MOB3B: variants seen among roughly 807,000 people sequenced by gnomAD.
The protein encoded by MOB3B is MOB kinase activator 3B, also known as MOB kinase activator-like 2B.
A neutral mutation model predicts 18.7 loss-of-function variants in MOB3B; 7 were observed. The ratio of observed to expected loss-of-function variants is 0.37; its 90% confidence interval spans 0.21 to 0.70. The LOEUF (loss-of-function observed/expected upper bound fraction) is 0.70, where lower values mean the gene tolerates loss of function less well. Among genes scored for constraint, MOB3B ranks in the 30% least tolerant of loss-of-function variants. The pLI, the probability that MOB3B is intolerant of heterozygous loss-of-function variation, is 0.52. For missense variants in MOB3B, 253 were observed against 281.3 expected, an observed-to-expected ratio of 0.90 and a Z score of 0.72; for synonymous variants, 111 against 99.9, an observed-to-expected ratio of 1.11 and a Z score of -0.66.
intron 2 of MOB3B, among the ~76,000 whole-genome samples, chr9:27,449,573 T>C (rs1246997580): frequency 1.3e-5 from 2 of 152,222 alleles, no homozygotes; most frequent in Admixed American, 6.5e-5. Context: ...ACAAGTCCAG[T>C]ACTAATTCCA....
At position 27,457,246 on chromosome 9, in the gene MOB3B, G is replaced by A. The variant is rs530674193; in HGVS notation, c.-198-1498C>T. ...ATCCACATATTCCCCAAAGACTGCT[G>A]TATAGATTGGTCGGAGGTGAAGGCT... On this transcript the variant is annotated intron_variant, in intron 1 of 3. Transcript: ENST00000262244. Among the ~76,000 whole-genome samples, 147 of 152,314 alleles carry A rather than the reference G, an allele frequency of 9.7e-4. 2 individuals carry two copies. Among genetic ancestry groups the A allele is most frequent in the African/African-American group, 3.4e-3 (143 of 41,566 alleles).
chr9:27,450,732 G>A (rs4878462), intron 2 of MOB3B, among the ~76,000 whole-genome samples: 48,176 of 151,938 alleles, frequency 0.32, 8,261 homozygotes, highest in African/African-American at 0.4. Context: ...CATGAGCTCA[G>A]ACCCTGACTC....
chr9:27,437,218 C>T (rs1271415478), intron 2 of MOB3B, among the ~76,000 whole-genome samples: 1 of 152,128 alleles, frequency 6.6e-6, no homozygotes, highest in African/African-American at 2.4e-5. Flanking sequence ...TTAATATGAT[C>T]TATGTTTTTT....
At chr9:27,467,918 T>C (rs1222796917) in intron 1 of MOB3B, among the ~76,000 whole-genome samples, 1 of 152,250 alleles carries the variant, frequency 6.6e-6, no homozygotes, top group Admixed American at 6.5e-5. Context: ...TGTTGTATTG[T>C]TACTATCAAC....
chr9:27,455,836 C>T, intron 1 of MOB3B, 88 bp from the exon 2 acceptor site: 1 of 1,290,138 alleles, frequency 7.8e-7, no homozygotes, highest in East Asian at 3.6e-5. Flanking sequence ...ACCTTGTGTT[C>T]TTGGCTGTGC....
chr9:27,391,607 C>CA (rs2078351755), intron 2 of MOB3B: 1 of 152,124 alleles, frequency 6.6e-6, no homozygotes, highest in East Asian at 1.9e-4. Flanking sequence ...GAGTGTGATC[C>CA]AAAAAATTAC....
At chr9:27,435,047 T>TTCTCTC (rs60408942) in intron 2 of MOB3B, among the ~76,000 whole-genome samples, 79 of 145,978 alleles carry the variant, frequency 5.4e-4, no homozygotes, top group Middle Eastern at 3.5e-3. Context: ...TGTAAGGTGT[T>TTCTCTC]TCTCTCTCTC....
chr9:27,327,589 C>T lies in MOB3B; in HGVS notation c.*2998G>A, dbSNP rs947261202. 1.8e-4 allele frequency: 27 copies of T among 152,056 alleles called. No homozygotes were observed. The highest frequency in any genetic ancestry group is 6.5e-4 in the African/African-American group (27 of 41,476). 9.4% of individuals were successfully genotyped at this position (152,056 alleles called of 1,614,324 possible). On this transcript the variant is annotated 3_prime_UTR_variant, in exon 4 of 4. Transcript: ENST00000262244. ...ACTGCACATCATACACAAACACCACCCCACCACCCACCACTCAGACACACA... is the reference window on the plus strand; with the variant it reads ...ACTGCACATCATACACAAACACCACTCCACCACCCACCACTCAGACACACA...
rs1822851454 is a variant in MOB3B, at chr9:27,455,195, T to C, written c.356A>G (p.Asn119Ser). ...AACCTCAATCCAATCCATAAGAAGG[T>C]TCATGTACTGGGGAGCTGGCAGCGC... Reference protein sequence around the residue: ...PTALPAPQYMNLLMDWIEVQI... With the variant: ...PTALPAPQYMSLLMDWIEVQI... Residue 119 changes from asparagine (N) to serine (S), a missense_variant, in exon 2 of 4, where the codon AAC (asparagine) becomes AGC (serine). Asn to Ser is a conservative substitution (Grantham distance 46). Transcript: ENST00000262244. 6.2e-7 allele frequency: 1 copy of C among 1,614,124 alleles called. No homozygotes were observed. Among genetic ancestry groups the C allele is most frequent in the Non-Finnish European group, 8.5e-7 (1 of 1,180,004 alleles).
rs181368909 is a variant in MOB3B, at chr9:27,326,545, A to G, written c.*4042T>C. The G allele has an allele frequency of 3.7e-4, 146 of 398,586 alleles. No individual in the cohort carries two copies. Among genetic ancestry groups the G allele is most frequent in the African/African-American group, 2.9e-3 (139 of 48,758 alleles). 24.7% of individuals were successfully genotyped at this position (398,586 alleles called of 1,614,324 possible). A position where few individuals can be genotyped will look rare whatever the true frequency, so the allele number is the denominator to read the frequency against. Reference sequence around the variant, plus strand: ...TGGGTTGGTTATACCAAAGAATGCTATAGAATTTCCATGCCCGAAGAACTG... The same window carrying G: ...TGGGTTGGTTATACCAAAGAATGCTGTAGAATTTCCATGCCCGAAGAACTG... On this transcript the variant is annotated 3_prime_UTR_variant, in exon 4 of 4. Coordinates refer to ENST00000262244, the MANE Select transcript of MOB3B (RefSeq NM_024761.5).
At chr9:27,518,944 A>G (rs1289819099) in intron 1 of MOB3B, among the ~76,000 whole-genome samples, 1 of 152,218 alleles carries the variant, frequency 6.6e-6, no homozygotes, top group African/African-American at 2.4e-5. Context: ...GGAGGGGAAG[A>G]CATATGAATC....
chr9:27,411,589 C>T (rs776211934), intron 2 of MOB3B, among the ~76,000 whole-genome samples: 15 of 152,152 alleles, frequency 9.9e-5, no homozygotes, highest in Admixed American at 3.3e-4. Context: ...GGCACTACCA[C>T]GTCTTCTAAA....
intron 2 of MOB3B, among the ~76,000 whole-genome samples, chr9:27,413,363 A>G (rs1822101873): frequency 6.6e-6 from 1 of 152,020 alleles, no homozygotes. Flanking sequence ...GACATAGACT[A>G]TTAACTGAGA....
chr9:27,491,087 ATCC>A (rs1819810206), intron 1 of MOB3B, among the ~76,000 whole-genome samples: 1 of 152,192 alleles, frequency 6.6e-6, no homozygotes. Context: ...CTTTAAAAAA[ATCC>A]TCCTTTGTAT....
intron 2 of MOB3B, among the ~76,000 whole-genome samples, chr9:27,435,842 C>T (rs1822492303): frequency 6.6e-6 from 1 of 152,154 alleles, no homozygotes. Context: ...CTCAAGTGAT[C>T]CACCTGACTT....
At position 27,435,223 on chromosome 9, in the gene MOB3B, T is replaced by A. The variant is rs149395758; in HGVS notation, c.418+19910A>T. 3.6e-3 allele frequency among the ~76,000 whole-genome samples: 545 copies of A among 152,304 alleles called. 2 individuals carry two copies. The highest frequency in any genetic ancestry group is 0.012 in the African/African-American group (514 of 41,570). On this transcript the variant is annotated intron_variant, in intron 2 of 3. Coordinates refer to ENST00000262244, the MANE Select transcript of MOB3B (RefSeq NM_024761.5). The stretch of plus-strand genomic sequence containing the variant: ...CCAGAGTTTCCCCACACTCCTTTTT[T>A]AATTTGTTTCAGCAAACTATGGCAC...
chr9:27,509,189 C>T (rs1375774238), intron 1 of MOB3B, among the ~76,000 whole-genome samples: 2 of 152,072 alleles, frequency 1.3e-5, no homozygotes, highest in Non-Finnish European at 2.9e-5. Context: ...CATAAAAATA[C>T]ATAAATATAC....
At chr9:27,513,926 T>TGGATGGATG (rs200817555) in intron 1 of MOB3B, among the ~76,000 whole-genome samples, 978 of 24,306 alleles carry the variant, frequency 0.04, 13 homozygotes, top group African/African-American at 0.059. Context: ...GATGGATGGA[T>TGGATGGATG]GGTGGGTGGG....
At chr9:27,398,260 C>T (rs956233705) in intron 2 of MOB3B, among the ~76,000 whole-genome samples, 2 of 152,322 alleles carry the variant, frequency 1.3e-5, no homozygotes, top group Non-Finnish European at 2.9e-5. Flanking sequence ...GCAGAAGGAT[C>T]GTCATCTCAC....
Sources: allele counts gnomAD v4.1 joint callset (sites outside exome capture counted in the v4.1 genomes callset), GRCh38; gene constraint gnomAD v4.1.1; transcripts MANE v1.5; gene names NCBI Gene and HGNC (gene_info 2026-07-23, HGNC 2026-07-21).